Variants in FMN1 observed in about 807,000 individuals in gnomAD.
FMN1 encodes the protein formin-1.
A neutral mutation model predicts 132.4 loss-of-function variants in FMN1; 110 were observed. The ratio of observed to expected loss-of-function variants is 0.83; its 90% CI spans 0.71 to 0.97. The LOEUF (loss-of-function observed/expected upper bound fraction) is 0.97. Among genes scored for constraint, FMN1 ranks in the 50% least tolerant of loss-of-function variants. The pLI is 0.00. For missense variants in FMN1, 1,792 were observed against 1,705.3 expected (o/e 1.05, Z -0.90); for synonymous variants, 722 against 651.7 (o/e 1.11, Z -1.64).
intron 17 of FMN1, among the ~76,000 whole-genome samples, chr15:32,834,042 G>A (rs2058567514): frequency 6.6e-6 from 1 of 152,054 alleles, no homozygotes; most frequent in African/African-American, 2.4e-5. Context: ...GAACCTCCTG[G>A]CATTTATTTC....
chr15:32,832,505 T>C (rs749425903), intron 17 of FMN1, among the ~76,000 whole-genome samples: 19 of 151,960 alleles, frequency 1.3e-4, no homozygotes, highest in Non-Finnish European at 2.1e-4. Context: ...GGGGGCTGGG[T>C]GCGGTGGCTC....
chr15:33,067,934 G>A lies in FMN1; in HGVS notation c.2044-2860C>T, dbSNP rs779233315. On this transcript the variant is annotated intron_variant, in intron 5 of 20. Coordinates refer to ENST00000616417, the MANE Select transcript of FMN1 (RefSeq NM_001277313.2). Reference sequence around the variant, plus strand: ...GTTCTGACTTGTGTTACCTTCTCCTGCGCTCTCAGTTTATCCACTCCATCT... The same window carrying A: ...GTTCTGACTTGTGTTACCTTCTCCTACGCTCTCAGTTTATCCACTCCATCT... The A allele has an allele frequency of 1.9e-6, 3 of 1,550,842 alleles. No individual in the cohort carries two copies. The African/African-American group carries it at 4.1e-5, about 21-fold the overall frequency.
chr15:33,143,369 TAA>T (rs1964085216), intron 4 of FMN1, among the ~76,000 whole-genome samples: 1 of 152,236 alleles, frequency 6.6e-6, no homozygotes, highest in African/African-American at 2.4e-5. Context: ...GTTTTCAGAC[TAA>T]GTTATCTCAT....
At chr15:33,066,498 C>G in intron 5 of FMN1, 1 of 1,493,744 alleles carries the variant, frequency 6.7e-7, no homozygotes, top group Non-Finnish European at 8.9e-7. Flanking sequence ...ATGCAAAACC[C>G]AATTCTACAT....
chr15:33,015,136 CAG>C (rs1370537586), intron 6 of FMN1, among the ~76,000 whole-genome samples: 6 of 152,178 alleles, frequency 3.9e-5, no homozygotes, highest in South Asian at 2.1e-4. Flanking sequence ...GCTGGCTCTG[CAG>C]AGTTTTTGTT....
chr15:33,006,541 A>G (rs945919504), intron 7 of FMN1, among the ~76,000 whole-genome samples: 3 of 152,202 alleles, frequency 2.0e-5, no homozygotes, highest in Admixed American at 6.5e-5. Flanking sequence ...TACTGGGTAT[A>G]TATTTAAAGG....
chr15:32,825,311 C>T (rs528654625), intron 17 of FMN1, among the ~76,000 whole-genome samples: 13 of 152,292 alleles, frequency 8.5e-5, no homozygotes, highest in African/African-American at 2.6e-4. Flanking sequence ...ATCCAAATTC[C>T]GTCTCATGAT....
At chr15:32,875,811 C>G (rs1489529923) in intron 16 of FMN1, among the ~76,000 whole-genome samples, 1 of 152,208 alleles carries the variant, frequency 6.6e-6, no homozygotes, top group African/African-American at 2.4e-5. Context: ...ATTCACAAAA[C>G]TATCCACTAC....
At chr15:32,881,987 A>G (rs2059782616) in intron 16 of FMN1, among the ~76,000 whole-genome samples, 1 of 152,194 alleles carries the variant, frequency 6.6e-6, no homozygotes, top group African/African-American at 2.4e-5. Flanking sequence ...CGAAGGAATA[A>G]AACAGAGGCT....
intron 6 of FMN1, among the ~76,000 whole-genome samples, chr15:33,040,739 G>A (rs892139602): frequency 1.3e-5 from 2 of 152,186 alleles, no homozygotes; most frequent in Admixed American, 1.3e-4. Context: ...ATGCTATGTA[G>A]CTCAACATAC....
At chr15:32,862,439 C>T (rs1321024916) in intron 16 of FMN1, among the ~76,000 whole-genome samples, 2 of 152,166 alleles carry the variant, frequency 1.3e-5, no homozygotes, top group African/African-American at 4.8e-5. Flanking sequence ...ATATTAAAAA[C>T]CAATACATAG....
intron 7 of FMN1, among the ~76,000 whole-genome samples, chr15:32,997,946 G>A (rs1347184887): frequency 2.6e-5 from 4 of 152,074 alleles, no homozygotes; most frequent in Admixed American, 2.0e-4. Context: ...CTTTGTATTC[G>A]TATGTTCATG....
intron 9 of FMN1, 49 bp downstream of exon 9, chr15:32,964,058 A>G (rs2030929536): frequency 9.1e-7 from 1 of 1,101,070 alleles, no homozygotes. Flanking sequence ...CATATATACC[A>G]TTTCCCTGTA....
chr15:33,048,919 A>C (rs2036842186), intron 6 of FMN1, among the ~76,000 whole-genome samples: 1 of 152,352 alleles, frequency 6.6e-6, no homozygotes, highest in Non-Finnish European at 1.5e-5. Flanking sequence ...TTGGGTGAGG[A>C]CACAGCCAAA....
rs142612347 is a variant in FMN1 at position 33,150,830 on chromosome 15, G to A, written c.1867+2218C>T. 24 of 989,024 alleles carry A rather than the reference G, an allele frequency of 2.4e-5. No homozygotes were observed. In the African/African-American group the frequency reaches 4.0e-4, roughly 17 times the overall value. 61.3% of individuals were successfully genotyped at this position (989,024 alleles called of 1,614,324 possible). ...TGTCCACAGACCATAAACTTAATCT[G>A]GTTAATAGCTAACCTGGGAGAAAGG... On this transcript the variant is annotated intron_variant, in intron 4 of 20. Transcript: ENST00000616417.
At position 33,101,454 on chromosome 15, in the gene FMN1, G is replaced by A. The variant is rs561888456; in HGVS notation, c.1868-12480C>T. ...TACACTAACACTAACAATAGCTGATGAGCTTAAGAAAAAAAAAAATCACAA... is the reference window on the plus strand; with the variant it reads ...TACACTAACACTAACAATAGCTGATAAGCTTAAGAAAAAAAAAAATCACAA... On this transcript the variant is annotated intron_variant, in intron 4 of 20. Coordinates refer to ENST00000616417, the MANE Select transcript of FMN1 (RefSeq NM_001277313.2). Among the ~76,000 whole-genome samples the A allele has an allele frequency of 1.8e-3, 266 of 147,474 alleles. 5 individuals are homozygous for A. The South Asian group carries it at 0.041, about 23-fold the overall frequency.
intron 5 of FMN1, chr15:33,066,852 G>C: frequency 1.5e-5 from 24 of 1,614,000 alleles, no homozygotes; most frequent in Non-Finnish European, 1.9e-5. Flanking sequence ...AGCAGAGAGA[G>C]CTGCTCCAGG....
At chr15:33,106,276 ACACACACACACACACACACGCACG>A (rs1350696992) in intron 4 of FMN1, 1 of 18,440 alleles carries the variant, frequency 5.4e-5, no homozygotes, top group Non-Finnish European at 8.2e-5. Context: ...ACCAGAATCC[ACACACACACACACACACACGCACG>A]CACACACACA....
At chr15:32,837,845 TG>T (rs2058662815) in intron 17 of FMN1, among the ~76,000 whole-genome samples, 1 of 152,222 alleles carries the variant, frequency 6.6e-6, no homozygotes, top group East Asian at 1.9e-4. Flanking sequence ...TCACAGAGAA[TG>T]GGATGTGCTC....
Sources: gnomAD v4.1 joint callset for allele counts (sites outside exome capture counted in the v4.1 genomes callset) on GRCh38, gnomAD v4.1.1 for gene constraint, MANE v1.5 for transcripts, NCBI Gene and HGNC (gene_info 2026-07-23, HGNC 2026-07-21) for gene names.